MEI4: variants seen among roughly 807,000 people sequenced by gnomAD.
MEI4 encodes meiotic double-stranded break formation protein 4, also known as meiosis-specific protein MEI4.
MEI4 carries 27 observed loss-of-function variants against 31.4 expected under a neutral mutation model. The ratio of observed to expected loss-of-function variants is 0.86; its 90% CI spans 0.63 to 1.19. The LOEUF (loss-of-function observed/expected upper bound fraction) is 1.19, where lower values mean the gene tolerates loss of function less well. Ranked by LOEUF, MEI4 falls within the 50% of genes most tolerant of loss-of-function variation. MEI4 has a pLI of 0.00. For synonymous variants in MEI4, 122 were observed against 145.4 expected (o/e 0.84, Z 1.16); for missense variants, 329 against 398.9 (o/e 0.82, Z 1.49).
intron 2 of MEI4, among the ~76,000 whole-genome samples, chr6:77,755,854 G>T (rs189020842): frequency 2.0e-5 from 3 of 151,116 alleles, no homozygotes; most frequent in Non-Finnish European, 2.9e-5. Context: ...GTGTGTGTGT[G>T]TATTTTACCT....
intron 3 of MEI4, among the ~76,000 whole-genome samples, chr6:77,802,746 G>C (rs572823302): frequency 6.6e-6 from 1 of 152,130 alleles, no homozygotes; most frequent in Non-Finnish European, 1.5e-5. Context: ...AGTTTATCTG[G>C]ATATGAAATT....
intron 3 of MEI4, among the ~76,000 whole-genome samples, chr6:77,784,588 C>T (rs552230718): frequency 6.6e-6 from 1 of 152,232 alleles, no homozygotes; most frequent in Non-Finnish European, 1.5e-5. Context: ...AGAAACTGTA[C>T]ATCCTTAGGT....
intron 1 of MEI4, among the ~76,000 whole-genome samples, chr6:77,669,553 G>A (rs1348548178): frequency 6.6e-6 from 1 of 151,448 alleles, no homozygotes; most frequent in Non-Finnish European, 1.5e-5. Flanking sequence ...TATGCTGTAA[G>A]ACTTCAGTTT....
intron 3 of MEI4, among the ~76,000 whole-genome samples, chr6:77,763,763 C>G (rs1208878131): frequency 6.6e-6 from 1 of 151,980 alleles, no homozygotes; most frequent in Non-Finnish European, 1.5e-5. Flanking sequence ...GTTCTCAATT[C>G]CTCTTTGAAT....
At chr6:77,842,614 C>T (rs2127715320) in intron 4 of MEI4, among the ~76,000 whole-genome samples, 1 of 152,156 alleles carries the variant, frequency 6.6e-6, no homozygotes, top group East Asian at 1.9e-4. Flanking sequence ...GTAATGATGT[C>T]CACTTCCATT....
chr6:77,915,807 T>C (rs1766532072), intron 4 of MEI4, among the ~76,000 whole-genome samples: 1 of 152,074 alleles, frequency 6.6e-6, no homozygotes, highest in African/African-American at 2.4e-5. Context: ...AATATCTTTT[T>C]AGACTTGAGA....
In MEI4 at chr6:77,919,078, A is replaced by T. The variant is rs188676602; in HGVS notation, c.901-4011A>T. ...ACTTTAACACCCCACTGTCAACATT[A>T]GACAGATCAACAAGACAGAAAGTCA... On this transcript the variant is annotated intron_variant, in intron 4 of 4. Transcript: ENST00000684080. 3.8e-3 allele frequency among the ~76,000 whole-genome samples: 571 copies of T among 152,158 alleles called. 3 individuals carry two copies. The highest frequency in any genetic ancestry group is 0.013 in the African/African-American group (553 of 41,540).
At chr6:77,790,727 G>A (rs1234079124) in intron 3 of MEI4, among the ~76,000 whole-genome samples, 1 of 151,968 alleles carries the variant, frequency 6.6e-6, no homozygotes, top group Non-Finnish European at 1.5e-5. Context: ...GATAAAGAGA[G>A]TATCTTTTCT....
At chr6:77,799,593 C>A (rs146462374) in intron 3 of MEI4, among the ~76,000 whole-genome samples, 3 of 152,066 alleles carry the variant, frequency 2.0e-5, no homozygotes, top group African/African-American at 7.3e-5. Flanking sequence ...AATGGTAATA[C>A]CTAGGTTTTC....
intron 3 of MEI4, among the ~76,000 whole-genome samples, chr6:77,827,166 C>T (rs1197682889): frequency 6.6e-6 from 1 of 151,894 alleles, no homozygotes; most frequent in East Asian, 1.9e-4. Flanking sequence ...CAAGACCATC[C>T]TGGCTAACAC....
chr6:77,697,079 G>A (rs1766068049), intron 2 of MEI4, among the ~76,000 whole-genome samples: 1 of 152,110 alleles, frequency 6.6e-6, no homozygotes, highest in Non-Finnish European at 1.5e-5. Flanking sequence ...ATTCTCTGAT[G>A]GTAGTTTGTA....
chr6:77,752,830 A>G (rs1214973881), intron 2 of MEI4, among the ~76,000 whole-genome samples: 4 of 152,134 alleles, frequency 2.6e-5, no homozygotes, highest in Non-Finnish European at 5.9e-5. Context: ...TCAAAGCTGG[A>G]GGCGTCACAC....
chr6:77,799,712 G>A (rs1305721492), intron 3 of MEI4, among the ~76,000 whole-genome samples: 1 of 152,076 alleles, frequency 6.6e-6, no homozygotes, highest in Non-Finnish European at 1.5e-5. Flanking sequence ...ATCTACATAT[G>A]GCTAGCCAGT....
chr6:77,698,232 CTG>C (rs756477836), intron 2 of MEI4, among the ~76,000 whole-genome samples: 2 of 152,116 alleles, frequency 1.3e-5, no homozygotes, highest in African/African-American at 2.4e-5. Flanking sequence ...ATTTGCCAGT[CTG>C]TGTCTTTTAA....
chr6:77,736,220 G>C (rs372903093), intron 2 of MEI4, among the ~76,000 whole-genome samples: 3 of 152,072 alleles, frequency 2.0e-5, no homozygotes, highest in East Asian at 1.9e-4. Flanking sequence ...AATGGCGGGC[G>C]CCCCTCCCCC....
intron 2 of MEI4, among the ~76,000 whole-genome samples, chr6:77,758,195 G>T (rs2127681093): frequency 6.6e-6 from 1 of 150,666 alleles, no homozygotes; most frequent in East Asian, 1.9e-4. Flanking sequence ...ATAGCCACAT[G>T]CAGTTCAGTT....
intron 2 of MEI4, among the ~76,000 whole-genome samples, chr6:77,732,694 C>T (rs1448610579): frequency 2.0e-5 from 3 of 152,034 alleles, no homozygotes; most frequent in South Asian, 2.1e-4. Context: ...GAGGGCATCC[C>T]TGTCTTGTGC....
intron 4 of MEI4, among the ~76,000 whole-genome samples, chr6:77,890,512 G>T (rs558278952): frequency 6.6e-6 from 1 of 152,288 alleles, no homozygotes; most frequent in Admixed American, 6.5e-5. Flanking sequence ...GATTTTACAG[G>T]CTCATAGAGA....
At chr6:77,920,911 G>A (rs1046723422) in intron 4 of MEI4, among the ~76,000 whole-genome samples, 10 of 151,868 alleles carry the variant, frequency 6.6e-5, no homozygotes, top group African/African-American at 2.4e-4. Context: ...CAGGCTTGTT[G>A]TTTTATTGAT....
Sources: gnomAD v4.1 joint callset for allele counts (sites outside exome capture counted in the v4.1 genomes callset) on GRCh38, gnomAD v4.1.1 for gene constraint, MANE v1.5 for transcripts, NCBI Gene and HGNC (gene_info 2026-07-23, HGNC 2026-07-21) for gene names.